Variants in CNTN5 observed in about 807,000 individuals in gnomAD.
The protein encoded by CNTN5 is contactin-5.
Under a neutral mutation model 129.1 loss-of-function variants are expected in CNTN5, and 77 were observed. That is an observed-to-expected ratio of 0.60 (90% CI 0.50 to 0.72). The LOEUF (loss-of-function observed/expected upper bound fraction) is 0.72, where lower values mean the gene tolerates loss of function less well. Among genes scored for constraint, CNTN5 ranks in the 30% least tolerant of loss-of-function variants. CNTN5 has a pLI of 0.00. For synonymous variants in CNTN5, 509 were observed against 465.6 expected (o/e 1.09, Z -1.20); for missense variants, 1,478 against 1,328.8 (o/e 1.11, Z -1.75).
chr11:99,852,773 G>A (rs1208153939), intron 6 of CNTN5, among the ~76,000 whole-genome samples: 2 of 152,114 alleles, frequency 1.3e-5, no homozygotes, highest in African/African-American at 2.4e-5. Flanking sequence ...CTTCATTCAA[G>A]TTGTAAAGTA....
chr11:100,337,532 C>G, intron 21 of CNTN5: 2 of 740,556 alleles, frequency 2.7e-6, no homozygotes, highest in South Asian at 1.3e-5. Flanking sequence ...TGTCTGTATC[C>G]CCAGTCAAGC....
rs142904477 is a variant in CNTN5, at chr11:99,850,557, T to C, written c.577+5295T>C. On this transcript the variant is annotated intron_variant, in intron 6 of 24. Coordinates refer to ENST00000524871, the MANE Select transcript of CNTN5 (RefSeq NM_014361.4). ...TTACAAATATGAAATAGCAAATGTA[T>C]GCTTGTATAATAATGTTACTTTATT... Among the ~76,000 whole-genome samples the C allele has an allele frequency of 3.9e-5, 6 of 152,304 alleles. No individual in the cohort carries two copies. The East Asian group carries it at 1.2e-3, about 29-fold the overall frequency.
chr11:99,208,961 A>G (rs1415531761), intron 1 of CNTN5, among the ~76,000 whole-genome samples: 3 of 152,010 alleles, frequency 2.0e-5, no homozygotes, highest in Non-Finnish European at 4.4e-5. Flanking sequence ...TTTGCAAGTC[A>G]CAGTGTAGAA....
chr11:99,042,056 G>T (rs1864004471), intron 1 of CNTN5, among the ~76,000 whole-genome samples: 1 of 151,944 alleles, frequency 6.6e-6, no homozygotes, highest in Non-Finnish European at 1.5e-5. Flanking sequence ...CATCAAATTT[G>T]TGTCTCTCAT....
intron 1 of CNTN5, among the ~76,000 whole-genome samples, chr11:99,126,493 T>G (rs1858640470): frequency 6.6e-6 from 1 of 152,188 alleles, no homozygotes; most frequent in Non-Finnish European, 1.5e-5. Flanking sequence ...GTAGAGGAAC[T>G]GGTATGTACA....
At chr11:99,090,735 A>AAC (rs1289021123) in intron 1 of CNTN5, among the ~76,000 whole-genome samples, 3 of 151,364 alleles carry the variant, frequency 2.0e-5, no homozygotes, top group African/African-American at 7.3e-5. Flanking sequence ...AAAAAAAAAA[A>AAC]AAAACGGCCG....
In CNTN5 at chr11:99,478,258, G is replaced by A. The variant is rs112085503; in HGVS notation, c.-70-77887G>A. Among the ~76,000 whole-genome samples, 1,491 of 152,196 alleles carry A rather than the reference G, an allele frequency of 9.8e-3. 24 individuals carry two copies. The highest frequency in any genetic ancestry group is 0.034 in the African/African-American group (1,394 of 41,506). On this transcript the variant is annotated intron_variant, in intron 2 of 24. Coordinates refer to ENST00000524871, the MANE Select transcript of CNTN5 (RefSeq NM_014361.4). Reference sequence around the variant, plus strand: ...TTATCTGAAGACTCAGTTGGAAAGGGCTCACTTTCAAGCTTACTTCCATGG... The same window carrying A: ...TTATCTGAAGACTCAGTTGGAAAGGACTCACTTTCAAGCTTACTTCCATGG...
In CNTN5 at chr11:100,187,728, C is replaced by T. The variant is rs534212633; in HGVS notation, c.1581-3398C>T. Among the ~76,000 whole-genome samples the T allele has an allele frequency of 1.6e-4, 25 of 152,208 alleles. 1 individual carries two copies. In the South Asian group the frequency reaches 5.2e-3, roughly 32 times the overall value. ...CAATAAATGGTGTTGGGATCGCTGA[C>T]AAGTCATATGCAAAAGAATGAAACT... On this transcript the variant is annotated intron_variant, in intron 13 of 24. Coordinates refer to ENST00000524871, the MANE Select transcript of CNTN5 (RefSeq NM_014361.4).
intron 1 of CNTN5, among the ~76,000 whole-genome samples, chr11:99,226,489 T>C (rs1860693341): frequency 6.6e-6 from 1 of 152,192 alleles, no homozygotes; most frequent in Admixed American, 6.5e-5. Flanking sequence ...GCTCTGTACC[T>C]GACCTCATTT....
chr11:99,041,826 T>G (rs1863994407), intron 1 of CNTN5, among the ~76,000 whole-genome samples: 1 of 152,204 alleles, frequency 6.6e-6, no homozygotes, highest in Non-Finnish European at 1.5e-5. Flanking sequence ...TATTTAAATA[T>G]TTTTGTTGAC....
At chr11:99,773,655 A>AT (rs1411367263) in intron 3 of CNTN5, among the ~76,000 whole-genome samples, 1 of 152,104 alleles carries the variant, frequency 6.6e-6, no homozygotes, top group African/African-American at 2.4e-5. Flanking sequence ...ATTAGCAATA[A>AT]TTTTTTAAAG....
chr11:99,802,809 G>C (rs1256396336), intron 3 of CNTN5, among the ~76,000 whole-genome samples: 1 of 152,166 alleles, frequency 6.6e-6, no homozygotes, highest in East Asian at 1.9e-4. Context: ...TCAGGAAGCT[G>C]TTCCAGGTGA....
At chr11:100,245,621 G>A (rs753447567) in intron 16 of CNTN5, among the ~76,000 whole-genome samples, 8 of 152,034 alleles carry the variant, frequency 5.3e-5, no homozygotes, top group Admixed American at 1.3e-4. Flanking sequence ...AAGCTACCTC[G>A]AAATTCATTT....
At chr11:99,965,582 A>G (rs1041436987) in intron 8 of CNTN5, among the ~76,000 whole-genome samples, 9 of 152,158 alleles carry the variant, frequency 5.9e-5, no homozygotes, top group Non-Finnish European at 8.8e-5. Flanking sequence ...ACTTCCAACT[A>G]TGTGGTCAGT....
At chr11:99,552,739 G>A (rs979342097) in intron 2 of CNTN5, among the ~76,000 whole-genome samples, 5 of 152,036 alleles carry the variant, frequency 3.3e-5, no homozygotes, top group Admixed American at 6.6e-5. Flanking sequence ...GACAGGGACC[G>A]GATTGCATAC....
At chr11:100,029,063 TAG>T (rs369938491) in intron 9 of CNTN5, among the ~76,000 whole-genome samples, 57 of 148,698 alleles carry the variant, frequency 3.8e-4, no homozygotes, top group Admixed American at 4.0e-4. Flanking sequence ...CGTTAGAAGA[TAG>T]AGAGAGAGAG....
chr11:100,033,967 G>GA (rs564620644), intron 9 of CNTN5, among the ~76,000 whole-genome samples: 11 of 150,146 alleles, frequency 7.3e-5, no homozygotes, highest in Middle Eastern at 3.4e-3. Flanking sequence ...ATTTTTAGAA[G>GA]AAAAAAAAAG....
intron 6 of CNTN5, among the ~76,000 whole-genome samples, chr11:99,890,154 G>T (rs953633708): frequency 6.6e-6 from 1 of 152,092 alleles, no homozygotes; most frequent in Non-Finnish European, 1.5e-5. Context: ...GAATAAAAAA[G>T]CAATAAAGTG....
intron 1 of CNTN5, among the ~76,000 whole-genome samples, chr11:99,047,655 A>G (rs1026114503): frequency 6.6e-6 from 1 of 152,092 alleles, no homozygotes; most frequent in Non-Finnish European, 1.5e-5. Context: ...TAATGGAATC[A>G]ACTGGTCTAC....
Sources: allele counts gnomAD v4.1 joint callset (sites outside exome capture counted in the v4.1 genomes callset), GRCh38; gene constraint gnomAD v4.1.1; transcripts MANE v1.5; gene names NCBI Gene and HGNC (gene_info 2026-07-23, HGNC 2026-07-21).